The following C10orf71 variants were observed in gnomAD, a reference collection of about 807,000 sequenced individuals.
C10orf71 encodes chromosome 10 open reading frame 71.
For synonymous variants in C10orf71, 758 were observed against 726.3 expected, an observed-to-expected ratio of 1.04 and a Z score of -0.70; for missense variants, 1,869 against 1,804.5, an observed-to-expected ratio of 1.04 and a Z score of -0.65.
In C10orf71 at chr10:49,326,676, C is replaced by G. The variant is rs2132446537; in HGVS notation, c.4131C>G (p.Val1377=). The G allele has an allele frequency of 1.9e-6, 3 of 1,550,950 alleles. No individual in the cohort carries two copies. The East Asian group carries it at 7.3e-5, about 38-fold the overall frequency. The change falls in exon 3 of 3, where the codon GTC becomes GTG. Residue 1377 remains valine, a synonymous_variant. Transcript: ENST00000374144. ...CGGCCCGCGCCAGGACCCAGAGTGTCCACGAGTCTGGACTACAGCTGGACC... is the reference window on the plus strand; with the variant it reads ...CGGCCCGCGCCAGGACCCAGAGTGTGCACGAGTCTGGACTACAGCTGGACC... ...ASAARARTQS[V]HESGLQLDPG... is the part of the protein sequence containing the mutation.
intron 1 of C10orf71, among the ~76,000 whole-genome samples, chr10:49,307,187 G>A (rs1416049926): frequency 6.6e-6 from 1 of 152,220 alleles, no homozygotes. Flanking sequence ...GCACCTCTGA[G>A]CTCACAAGGA....
intron 2 of C10orf71, among the ~76,000 whole-genome samples, chr10:49,318,256 G>A (rs1386929336): frequency 2.0e-5 from 3 of 152,230 alleles, no homozygotes; most frequent in Non-Finnish European, 4.4e-5. Context: ...TGTGACCACA[G>A]CCATGTCCTC....
In C10orf71 at chr10:49,326,393, G is replaced by C. The variant is rs1849248075; in HGVS notation, c.3848G>C (p.Gly1283Ala). ...AAGGTCCTCCAGGATCCGCAGTCCGGGGAGTACTTTGTCTTCGACTTGCCA... is the reference window on the plus strand; with the variant it reads ...AAGGTCCTCCAGGATCCGCAGTCCGCGGAGTACTTTGTCTTCGACTTGCCA... Reference protein sequence around the residue: ...TQKVLQDPQSGEYFVFDLPLQ... With the variant: ...TQKVLQDPQSAEYFVFDLPLQ... The change falls in exon 3 of 3, where the codon GGG becomes GCG. Residue 1283 changes from glycine (G) to alanine (A), a missense_variant. Physicochemically the swap from Gly to Ala is moderately conservative, Grantham distance 60. Transcript: ENST00000374144. The C allele has an allele frequency of 6.4e-7, 1 of 1,550,574 alleles. No homozygotes were observed. Among genetic ancestry groups the C allele is most frequent in the Non-Finnish European group, 8.7e-7 (1 of 1,146,918 alleles).
At chr10:49,300,459 TACAA>T (rs1848707759) in intron 1 of C10orf71, among the ~76,000 whole-genome samples, 1 of 45,086 alleles carries the variant, frequency 2.2e-5, no homozygotes, top group Admixed American at 2.7e-4. Context: ...GTCAATTTAA[TACAA>T]AAAAAAAAAA....
At chr10:49,298,249 G>A (rs374520482), upstream of C10orf71, among the ~76,000 whole-genome samples, 6 of 152,220 alleles carry the variant, frequency 3.9e-5, no homozygotes, top group South Asian at 4.1e-4. Flanking sequence ...GGCTTTGAGC[G>A]CTGCACAGAG....
intron 2 of C10orf71, among the ~76,000 whole-genome samples, chr10:49,316,712 C>T (rs1169952499): frequency 6.6e-6 from 1 of 152,112 alleles, no homozygotes; most frequent in East Asian, 1.9e-4. Context: ...GTGAAAGCTC[C>T]ACCACCAGCA....
intron 1 of C10orf71, among the ~76,000 whole-genome samples, chr10:49,304,805 C>G (rs536866586): frequency 2.6e-5 from 4 of 152,214 alleles, no homozygotes; most frequent in Non-Finnish European, 5.9e-5. Context: ...GTCTCTTCCT[C>G]CAGGAGCCCT....
intron 1 of C10orf71, among the ~76,000 whole-genome samples, chr10:49,315,591 T>A (rs1391931547): frequency 6.6e-6 from 1 of 152,218 alleles, no homozygotes; most frequent in African/African-American, 2.4e-5. Flanking sequence ...ACTGAAAGGC[T>A]TAAAAGAGGT....
In C10orf71 at chr10:49,322,823, C is replaced by G. The variant is rs374875968; in HGVS notation, c.278C>G (p.Ser93Trp). The change falls in exon 3 of 3, where the codon TCG becomes TGG. Residue 93 changes from serine to tryptophan, a missense_variant. Coordinates refer to ENST00000374144, the MANE Select transcript of C10orf71 (RefSeq NM_001135196.2). The stretch of plus-strand genomic sequence containing the variant: ...TTACCGTCACAGGGCACGGAACATT[C>G]GGGCTGGGCGGCCACCTTCCAACAG... ...SQLPSQGTEH[S>W]GWAATFQQLP... 1 of 1,613,794 alleles carries G rather than the reference C, an allele frequency of 6.2e-7. No homozygotes were observed. Among genetic ancestry groups the G allele is most frequent in the South Asian group, 1.1e-5 (1 of 91,082 alleles).
intron 1 of C10orf71, among the ~76,000 whole-genome samples, chr10:49,300,098 G>A (rs183826643): frequency 1.2e-4 from 18 of 152,332 alleles, no homozygotes; most frequent in Admixed American, 1.2e-3. Context: ...TGGAAAGCTA[G>A]ATAGCCTTAA....
chr10:49,309,950 A>C (rs879839090), intron 1 of C10orf71, among the ~76,000 whole-genome samples: 14 of 152,234 alleles, frequency 9.2e-5, no homozygotes, highest in Non-Finnish European at 2.1e-4. Context: ...TGAAAGCACC[A>C]TTCAATTAAG....
At chr10:49,311,008 C>T (rs1177071894) in intron 1 of C10orf71, among the ~76,000 whole-genome samples, 3 of 152,064 alleles carry the variant, frequency 2.0e-5, no homozygotes, top group East Asian at 1.9e-4. Context: ...TCTAGCAGCC[C>T]GACCATGCCA....
chr10:49,320,931 T>C (rs1258231681), intron 2 of C10orf71, among the ~76,000 whole-genome samples: 3 of 152,174 alleles, frequency 2.0e-5, no homozygotes, highest in Non-Finnish European at 4.4e-5. Context: ...AAGCCACACA[T>C]ATTTAATGTG....
At chr10:49,319,603 T>C (rs1849056644) in intron 2 of C10orf71, among the ~76,000 whole-genome samples, 1 of 150,152 alleles carries the variant, frequency 6.7e-6, no homozygotes, top group South Asian at 2.1e-4. Flanking sequence ...ATAGCCAAAA[T>C]TTGGAAACAA....
At chr10:49,321,217 C>T (rs1849088847) in intron 2 of C10orf71, among the ~76,000 whole-genome samples, 3 of 151,980 alleles carry the variant, frequency 2.0e-5, no homozygotes, top group Non-Finnish European at 2.9e-5. Flanking sequence ...AAATAACTCC[C>T]CCCTTCCCTG....
rs929999397 is a variant in C10orf71, at chr10:49,325,410, G to A, written c.2865G>A (p.Lys955=). 4 of 1,550,282 alleles carry A rather than the reference G, an allele frequency of 2.6e-6. No individual in the cohort carries two copies. Among genetic ancestry groups the A allele is most frequent in the Non-Finnish European group, 3.5e-6 (4 of 1,145,952 alleles). Residue 955 remains lysine (K), a synonymous_variant, in exon 3 of 3, where the codon AAG becomes AAA. Coordinates refer to ENST00000374144, the MANE Select transcript of C10orf71 (RefSeq NM_001135196.2). ...TGGAGGCCTCTCAGCCAGCCCCAAA[G>A]GGGAATTTCCCATCTATGCCTCTGG... ...ARMEASQPAP[K]GNFPSMPLVG...
chr10:49,324,515 G>A lies in C10orf71; in HGVS notation c.1970G>A (p.Gly657Glu), dbSNP rs774226085. ...CTTTGCAATAGGGATCCTGAGCCTG[G>A]AGGGGCTACAGAGAAAATGAAGACC... ...LRLCNRDPEP[G>E]GATEKMKTHQ... The change falls in exon 3 of 3, where the codon GGA becomes GAA. Residue 657 changes from glycine (G) to glutamate (E), a missense_variant. Transcript: ENST00000374144. The A allele has an allele frequency of 3.1e-6, 5 of 1,612,510 alleles. No homozygotes were observed. Among genetic ancestry groups the A allele is most frequent in the Non-Finnish European group, 4.2e-6 (5 of 1,179,210 alleles).
chr10:49,324,475 C>A lies in C10orf71; in HGVS notation c.1930C>A (p.His644Asn). 6.2e-7 allele frequency: 1 copy of A among 1,608,712 alleles called. No individual in the cohort carries two copies. Among genetic ancestry groups the A allele is most frequent in the Middle Eastern group, 1.7e-4 (1 of 6,058 alleles). Residue 644 changes from histidine (H) to asparagine (N), a missense_variant, in exon 3 of 3, where the codon CAC (histidine) becomes AAC (asparagine). Coordinates refer to ENST00000374144, the MANE Select transcript of C10orf71 (RefSeq NM_001135196.2). Reference protein sequence around the residue: ...PDSREHRPRKHLSLRLCNRDP... With the variant: ...PDSREHRPRKNLSLRLCNRDP... Reference sequence around the variant, plus strand: ...CTCCAGGGAACACCGCCCCAGGAAACACCTCTCCCTGAGGCTTTGCAATAG... The same window carrying A: ...CTCCAGGGAACACCGCCCCAGGAAAAACCTCTCCCTGAGGCTTTGCAATAG...
At chr10:49,309,372 C>G (rs534842337) in intron 1 of C10orf71, among the ~76,000 whole-genome samples, 2 of 152,310 alleles carry the variant, frequency 1.3e-5, no homozygotes, top group South Asian at 4.1e-4. Context: ...CTCACTCTCT[C>G]TCTCTCTGCT....
Sources: allele counts gnomAD v4.1 joint callset (sites outside exome capture counted in the v4.1 genomes callset), GRCh38; gene constraint gnomAD v4.1.1; transcripts MANE v1.5; gene names NCBI Gene and HGNC (gene_info 2026-07-23, HGNC 2026-07-21).